MGAT4C: variants seen among roughly 807,000 people sequenced by gnomAD.
MGAT4C encodes MGAT4 family member C.
Under a neutral mutation model 40.1 loss-of-function variants are expected in MGAT4C, and 19 were observed. That is an observed-to-expected ratio of 0.47 (90% CI 0.33 to 0.70). The LOEUF is 0.70. Ranked by LOEUF, MGAT4C falls within the 30% of genes least tolerant of loss-of-function variation. The probability of loss-of-function intolerance (pLI) is 0.02; values close to 1 mark genes in which losing one functional copy is unlikely to be tolerated. For missense variants in MGAT4C, 491 were observed against 563.2 expected (o/e 0.87, Z 1.30); for synonymous variants, 181 against 187.1 (o/e 0.97, Z 0.27).
At chr12:86,070,091 T>A (rs1894937011) in intron 1 of MGAT4C, among the ~76,000 whole-genome samples, 1 of 147,622 alleles carries the variant, frequency 6.8e-6, no homozygotes, top group Admixed American at 6.8e-5. Flanking sequence ...TGCATTGGAT[T>A]TTTTTTTTTT....
chr12:86,220,474 A>C (rs1750074395), intron 1 of MGAT4C, among the ~76,000 whole-genome samples: 1 of 152,216 alleles, frequency 6.6e-6, no homozygotes, highest in Non-Finnish European at 1.5e-5. Context: ...GAAGAAAGAT[A>C]ATTCAGTGGT....
intron 4 of MGAT4C, among the ~76,000 whole-genome samples, chr12:86,274,070 C>T (rs1953012139): frequency 1.3e-5 from 2 of 152,058 alleles, no homozygotes; most frequent in South Asian, 2.1e-4. Context: ...TTGTAAGCTC[C>T]CCTAAGAGGG....
intron 2 of MGAT4C, among the ~76,000 whole-genome samples, chr12:86,614,081 G>GT (rs1593045133): frequency 6.6e-6 from 1 of 152,034 alleles, no homozygotes; most frequent in Non-Finnish European, 1.5e-5. Context: ...TTGGACTTTG[G>GT]ACTTCTTAAT....
rs568845024 is a variant in MGAT4C at position 86,502,505 on chromosome 12, T to C, written c.-228-67240A>G. Among the ~76,000 whole-genome samples the C allele has an allele frequency of 1.9e-3, 282 of 151,856 alleles. 2 individuals are homozygous for C. The highest frequency in any genetic ancestry group is 3.4e-3 in the Non-Finnish European group (234 of 67,982). ...AAACTGCAAAGTTAACTGTGGACTT[T>C]GGTCAATAATAGCATATTAGTATTG... On this transcript the variant is annotated intron_variant, in intron 2 of 7. Transcript: ENST00000548651.
Position 85,963,161 on chromosome 12 carries a change from T to C in MGAT4C, c.*16128A>G, listed in dbSNP as rs1313300748. ...AGTTTAATTACTTGGGTGCTTTAAA[T>C]GTTTTTTGGAGGCTATTACAAAATC... is the stretch of plus-strand genomic sequence containing the variant. On this transcript the variant is annotated 3_prime_UTR_variant, in exon 5 of 5. Coordinates refer to ENST00000611864, the MANE Select transcript of MGAT4C (RefSeq NM_001351288.2). 6.6e-6 allele frequency: 1 copy of C among 152,034 alleles called. No individual in the cohort carries two copies. The highest frequency in any genetic ancestry group is 1.5e-5 in the Non-Finnish European group (1 of 67,874). The allele number at this position is 152,034 out of a possible 1,614,324, so 9.4% of individuals were successfully genotyped here. A position where few individuals can be genotyped will look rare whatever the true frequency, so the allele number is the denominator to read the frequency against.
chr12:86,468,567 C>T (rs976215865), intron 2 of MGAT4C, among the ~76,000 whole-genome samples: 1 of 152,006 alleles, frequency 6.6e-6, no homozygotes, highest in Non-Finnish European at 1.5e-5. Context: ...ATTCAAAATG[C>T]TGTTATTGCC....
chr12:86,357,974 G>A (rs1240387140), intron 3 of MGAT4C, among the ~76,000 whole-genome samples: 1 of 152,084 alleles, frequency 6.6e-6, no homozygotes, highest in African/African-American at 2.4e-5. Context: ...AGGAAATACA[G>A]AGAACACCAC....
At chr12:86,232,824 G>C (rs963392363) in intron 1 of MGAT4C, among the ~76,000 whole-genome samples, 3 of 152,140 alleles carry the variant, frequency 2.0e-5, no homozygotes, top group African/African-American at 7.2e-5. Flanking sequence ...AATTTCACAA[G>C]TTTGAAGGTG....
upstream of MGAT4C, among the ~76,000 whole-genome samples, chr12:86,258,761 C>T (rs1307227615): frequency 6.6e-6 from 1 of 151,918 alleles, no homozygotes; most frequent in African/African-American, 2.4e-5. Context: ...AGGACATACA[C>T]TTATTACATA....
intron 3 of MGAT4C, among the ~76,000 whole-genome samples, chr12:86,341,365 A>G (rs1488453574): frequency 5.9e-5 from 9 of 152,194 alleles, no homozygotes; most frequent in Non-Finnish European, 8.8e-5. Context: ...GTCTCAGCAG[A>G]GCAGCTGCTC....
At chr12:86,124,429 A>G (rs545943813) in intron 1 of MGAT4C, among the ~76,000 whole-genome samples, 1 of 152,190 alleles carries the variant, frequency 6.6e-6, no homozygotes, top group South Asian at 2.1e-4. Context: ...TACATTTCGC[A>G]TTCTAAGAAT....
chr12:85,988,323 G>A (rs1885479204), intron 3 of MGAT4C, among the ~76,000 whole-genome samples: 1 of 152,036 alleles, frequency 6.6e-6, no homozygotes, highest in South Asian at 2.1e-4. Context: ...GACTTCTTAG[G>A]AATATCTGTA....
intron 4 of MGAT4C, among the ~76,000 whole-genome samples, chr12:86,322,892 A>G (rs1431642159): frequency 2.0e-5 from 3 of 152,108 alleles, no homozygotes; most frequent in African/African-American, 7.2e-5. Context: ...CAGTTTCTGT[A>G]TACATTGTCA....
At chr12:86,821,316 A>C (rs1952702170) in intron 1 of MGAT4C, among the ~76,000 whole-genome samples, 1 of 150,954 alleles carries the variant, frequency 6.6e-6, no homozygotes, top group Non-Finnish European at 1.5e-5. Context: ...AATGAAAAAA[A>C]TAGACAAAAT....
At chr12:86,802,647 G>A (rs991294460) in intron 1 of MGAT4C, among the ~76,000 whole-genome samples, 4 of 150,978 alleles carry the variant, frequency 2.6e-5, no homozygotes, top group Non-Finnish European at 4.4e-5. Flanking sequence ...CAAATCATGA[G>A]TGAACTCCCA....
chr12:86,489,412 A>G (rs1958085556), intron 2 of MGAT4C, among the ~76,000 whole-genome samples: 1 of 152,156 alleles, frequency 6.6e-6, no homozygotes, highest in Non-Finnish European at 1.5e-5. Flanking sequence ...AATTTGGGAC[A>G]CACCAAGTGT....
rs569459422 is a variant in MGAT4C, at chr12:85,964,311, A to G, written c.*14978T>C. 1.3e-5 allele frequency: 2 copies of G among 152,180 alleles called. No individual in the cohort carries two copies. Among genetic ancestry groups the G allele is most frequent in the African/African-American group, 4.8e-5 (2 of 41,562 alleles). The allele number at this position is 152,180 out of a possible 1,614,324, so 9.4% of individuals were successfully genotyped here. A position where few individuals can be genotyped will look rare whatever the true frequency, so the allele number is the denominator to read the frequency against. On this transcript the variant is annotated 3_prime_UTR_variant, in exon 5 of 5. Transcript: ENST00000611864. Reference sequence around the variant, plus strand: ...AAAATATTTTCTTTATTTTGCAAAAATGTAAGACAAATGTATAGGATATTT... The same window carrying G: ...AAAATATTTTCTTTATTTTGCAAAAGTGTAAGACAAATGTATAGGATATTT...
chr12:86,622,200 C>A (rs1962660786), intron 2 of MGAT4C, among the ~76,000 whole-genome samples: 1 of 152,060 alleles, frequency 6.6e-6, no homozygotes. Flanking sequence ...TACACACCAA[C>A]ATTCAGGGAA....
intron 4 of MGAT4C, among the ~76,000 whole-genome samples, chr12:86,278,744 CTG>C (rs1325663220): frequency 6.6e-6 from 1 of 152,024 alleles, no homozygotes; most frequent in African/African-American, 2.4e-5. Flanking sequence ...TGTTGAATAA[CTG>C]TGGTCAAAGT....
Sources: gnomAD v4.1 joint callset for allele counts (sites outside exome capture counted in the v4.1 genomes callset) on GRCh38, gnomAD v4.1.1 for gene constraint, MANE v1.5 for transcripts, NCBI Gene and HGNC (gene_info 2026-07-23, HGNC 2026-07-21) for gene names.